Variants in NTM observed in about 807,000 individuals in gnomAD.
NTM encodes neurotrimin, also known as IgLON family member 2.
Under a neutral mutation model 42.1 loss-of-function variants are expected in NTM, and 13 were observed. The observed-to-expected ratio is 0.31, with a 90% CI of 0.20 to 0.49. The LOEUF (loss-of-function observed/expected upper bound fraction) is 0.49. Among genes scored for constraint, NTM ranks in the 20% least tolerant of loss-of-function variants. NTM has a pLI of 0.99. For missense variants in NTM, 373 were observed against 452.8 expected, an observed-to-expected ratio of 0.82 and a Z score of 1.60; for synonymous variants, 187 against 179.2, an observed-to-expected ratio of 1.04 and a Z score of -0.35.
chr11:132,266,733 A>G (rs1027971488), intron 4 of NTM, among the ~76,000 whole-genome samples: 1 of 152,234 alleles, frequency 6.6e-6, no homozygotes, highest in South Asian at 2.1e-4. Flanking sequence ...TAGATTTAAT[A>G]TGCTCATAAC....
chr11:131,668,546 G>C (rs892763856), intron 1 of NTM, among the ~76,000 whole-genome samples: 7 of 152,206 alleles, frequency 4.6e-5, no homozygotes, highest in African/African-American at 1.7e-4. Context: ...AGGAACAAGG[G>C]GCAGGATATA....
chr11:131,747,794 T>A (rs1401797022), intron 1 of NTM, among the ~76,000 whole-genome samples: 1 of 152,204 alleles, frequency 6.6e-6, no homozygotes, highest in Non-Finnish European at 1.5e-5. Context: ...TTTTTTCATG[T>A]CTCTGCCATT....
intron 2 of NTM, among the ~76,000 whole-genome samples, chr11:131,994,132 T>C (rs1456829110): frequency 6.6e-6 from 1 of 152,164 alleles, no homozygotes; most frequent in East Asian, 1.9e-4. Context: ...GCCAATGGTA[T>C]GAAACACTTG....
At position 132,303,402 on chromosome 11, in the gene NTM, C is replaced by T. The variant is rs575096260; in HGVS notation, c.527-4287C>T. On this transcript the variant is annotated intron_variant, in intron 4 of 8. Coordinates refer to ENST00000683400, the MANE Select transcript of NTM (RefSeq NM_001352005.2). ...GCTCCTAGAAGCATCACTCCTATCA[C>T]ATGGTCATCTTCACCCTGTGTGTCT... Among the ~76,000 whole-genome samples, 3 of 152,332 alleles carry T rather than the reference C, an allele frequency of 2.0e-5. No homozygotes were observed. The South Asian group carries it at 6.2e-4, about 32-fold the overall frequency.
intron 1 of NTM, among the ~76,000 whole-genome samples, chr11:131,438,575 G>T (rs1949340157): frequency 6.6e-6 from 1 of 152,096 alleles, no homozygotes; most frequent in Admixed American, 6.5e-5. Context: ...GATCGAATCG[G>T]CTGTTGAAGT....
chr11:131,529,543 T>C (rs2136654290), intron 1 of NTM, among the ~76,000 whole-genome samples: 1 of 152,234 alleles, frequency 6.6e-6, no homozygotes, highest in East Asian at 1.9e-4. Context: ...CACCGGAGTG[T>C]CAAGGCTCTC....
At chr11:132,244,917 G>C (rs2090851049) in intron 4 of NTM, among the ~76,000 whole-genome samples, 1 of 152,192 alleles carries the variant, frequency 6.6e-6, no homozygotes, top group African/African-American at 2.4e-5. Flanking sequence ...CATTTCCCAG[G>C]CTGTGGTTTC....
intron 1 of NTM, among the ~76,000 whole-genome samples, chr11:131,388,857 T>C (rs561846487): frequency 2.0e-5 from 3 of 150,686 alleles, no homozygotes; most frequent in East Asian, 3.9e-4. Context: ...ACTAAAAATA[T>C]AAAAATTATC....
At chr11:131,525,405 A>G (rs2050334456) in intron 1 of NTM, among the ~76,000 whole-genome samples, 1 of 152,198 alleles carries the variant, frequency 6.6e-6, no homozygotes, top group Non-Finnish European at 1.5e-5. Context: ...TGCAGGCGAG[A>G]CAAGGGAAGT....
In NTM at chr11:132,049,042, C is replaced by T. The variant is rs74546150; in HGVS notation, c.168-97240C>T. On this transcript the variant is annotated intron_variant, in intron 2 of 8. Transcript: ENST00000683400. ...TTATGAGCCCAGAAAAAGGGAATTT[C>T]GATTTTTCAGATATGACCAGGTCAT... Among the ~76,000 whole-genome samples, 85 of 151,842 alleles carry T rather than the reference C, an allele frequency of 5.6e-4. No homozygotes were observed. In the East Asian group the frequency reaches 0.014, roughly 26 times the overall value.
intron 1 of NTM, among the ~76,000 whole-genome samples, chr11:131,587,152 T>C (rs989423331): frequency 6.6e-6 from 1 of 152,180 alleles, no homozygotes; most frequent in Non-Finnish European, 1.5e-5. Flanking sequence ...ATTTTACAGA[T>C]AAGGTAGCTA....
chr11:131,596,593 A>G (rs567566521), intron 1 of NTM, among the ~76,000 whole-genome samples: 2 of 152,294 alleles, frequency 1.3e-5, no homozygotes, highest in South Asian at 4.1e-4. Context: ...GGCAGTGGGG[A>G]CAGCATTCAT....
chr11:131,804,486 A>T (rs1357214703), intron 1 of NTM, among the ~76,000 whole-genome samples: 1 of 151,812 alleles, frequency 6.6e-6, no homozygotes, highest in Non-Finnish European at 1.5e-5. Flanking sequence ...GAACATCCAC[A>T]CTCAGTGAGA....
At chr11:131,568,986 G>T (rs1014677766) in intron 1 of NTM, among the ~76,000 whole-genome samples, 2 of 152,076 alleles carry the variant, frequency 1.3e-5, no homozygotes, top group African/African-American at 4.8e-5. Context: ...TATATCCATA[G>T]AATTTTGCAT....
chr11:131,722,903 A>C (rs992666692), intron 1 of NTM, among the ~76,000 whole-genome samples: 2 of 152,348 alleles, frequency 1.3e-5, no homozygotes, highest in Non-Finnish European at 2.9e-5. Context: ...TGGTTCATGG[A>C]GAGGAGGGAC....
Position 132,021,271 on chromosome 11 carries a change from T to G in NTM, c.167+109623T>G, listed in dbSNP as rs556693423. 4.6e-5 allele frequency among the ~76,000 whole-genome samples: 7 copies of G among 152,318 alleles called. 1 individual carries two copies. The highest frequency in any genetic ancestry group is 1.7e-4 in the African/African-American group (7 of 41,582). On this transcript the variant is annotated intron_variant, in intron 2 of 8. Coordinates refer to ENST00000683400, the MANE Select transcript of NTM (RefSeq NM_001352005.2). ...TTAGACTCTCTACATATGGATTTTT[T>G]TGTTGTCATATATTCCTTTAATTTC... is the stretch of plus-strand genomic sequence containing the variant.
chr11:132,315,357 A>G (rs761118680), intron 7 of NTM, among the ~76,000 whole-genome samples: 2 of 152,230 alleles, frequency 1.3e-5, no homozygotes, highest in Non-Finnish European at 2.9e-5. Context: ...CTGTGCAGAC[A>G]TGAGCCTGCC....
intron 1 of NTM, among the ~76,000 whole-genome samples, chr11:131,742,907 C>T (rs2081359993): frequency 6.6e-6 from 1 of 152,180 alleles, no homozygotes; most frequent in Non-Finnish European, 1.5e-5. Context: ...AAACGCTTGT[C>T]TACTGAGGAG....
intron 4 of NTM, among the ~76,000 whole-genome samples, chr11:132,297,393 G>A (rs1290828732): frequency 6.6e-6 from 1 of 152,178 alleles, no homozygotes; most frequent in Admixed American, 6.5e-5. Context: ...TGCTTGCAAA[G>A]GGAAAGCCTG....
Sources: allele counts gnomAD v4.1 joint callset (sites outside exome capture counted in the v4.1 genomes callset), GRCh38; gene constraint gnomAD v4.1.1; transcripts MANE v1.5; gene names NCBI Gene and HGNC (gene_info 2026-07-23, HGNC 2026-07-21).